ANO2: variants seen among roughly 807,000 people sequenced by gnomAD.
The protein encoded by ANO2 is anoctamin-2.
In ANO2, 101 loss-of-function variants were observed where a neutral mutation model predicts 124.2. The ratio of observed to expected loss-of-function variants is 0.81; its 90% confidence interval spans 0.69 to 0.96. The LOEUF (loss-of-function observed/expected upper bound fraction) is 0.96, where lower values mean the gene tolerates loss of function less well. Among genes scored for constraint, ANO2 ranks in the 40% least tolerant of loss-of-function variants. The probability of loss-of-function intolerance (pLI) is 0.00; values close to 1 mark genes in which losing one functional copy is unlikely to be tolerated. For synonymous variants in ANO2, 486 were observed against 482.5 expected (o/e 1.01, Z -0.09); for missense variants, 1,293 against 1,274.5 (o/e 1.01, Z -0.22).
rs78963401 is a variant in ANO2, at chr12:5,708,917, T to C, written c.1545+23603A>G. ...TTTGTGTCACTGAATAAAATGATGA[T>C]ATAAATAATTACTTCCTTGTTTAAT... On this transcript the variant is annotated intron_variant, in intron 14 of 24. Coordinates refer to ENST00000682330, the MANE Select transcript of ANO2 (RefSeq NM_001364791.2). 5.3e-5 allele frequency among the ~76,000 whole-genome samples: 8 copies of C among 152,350 alleles called. No homozygotes were observed. In the East Asian group the frequency reaches 1.5e-3, roughly 29 times the overall value.
intron 20 of ANO2, among the ~76,000 whole-genome samples, chr12:5,584,241 G>A (rs1942972958): frequency 6.6e-6 from 1 of 151,730 alleles, no homozygotes; most frequent in African/African-American, 2.4e-5. Context: ...AGGGCTGGCG[G>A]CTCTGCCTAC....
chr12:5,805,192 A>G (rs1388018113), intron 9 of ANO2, among the ~76,000 whole-genome samples: 3 of 152,176 alleles, frequency 2.0e-5, no homozygotes, highest in Non-Finnish European at 4.4e-5. Flanking sequence ...TTAACACTTC[A>G]TAACAGGGAC....
At chr12:5,786,670 A>G (rs376623570) in intron 10 of ANO2, among the ~76,000 whole-genome samples, 4 of 152,278 alleles carry the variant, frequency 2.6e-5, no homozygotes, top group East Asian at 1.9e-4. Flanking sequence ...ACATCCGATC[A>G]TATTCTCCGC....
In ANO2 at chr12:5,732,516, A is replaced by T; in HGVS notation, c.1545+4T>A. On this transcript the variant is annotated splice_donor_region_variant and intron_variant, in intron 14 of 24. Coordinates refer to ENST00000682330, the MANE Select transcript of ANO2 (RefSeq NM_001364791.2). ...GACCGTGAGCAGCAAGTCCAGCTTCATACCTCATCGCCACACTCCGTCGTG... is the reference window on the plus strand; with the variant it reads ...GACCGTGAGCAGCAAGTCCAGCTTCTTACCTCATCGCCACACTCCGTCGTG... 6.2e-7 allele frequency: 1 copy of T among 1,610,324 alleles called. No homozygotes were observed. Among genetic ancestry groups the T allele is most frequent in the South Asian group, 1.1e-5 (1 of 90,342 alleles).
intron 16 of ANO2, among the ~76,000 whole-genome samples, chr12:5,623,151 C>T (rs1268320848): frequency 6.6e-6 from 1 of 151,936 alleles, no homozygotes; most frequent in Non-Finnish European, 1.5e-5. Flanking sequence ...AATCTCAACC[C>T]CATGAAAAAA....
At chr12:5,913,566 A>C (rs1385503616) in intron 3 of ANO2, among the ~76,000 whole-genome samples, 5 of 152,212 alleles carry the variant, frequency 3.3e-5, no homozygotes, top group African/African-American at 9.6e-5. Flanking sequence ...AGAGAAAACT[A>C]CTATAAAGTG....
At chr12:5,823,047 C>A (rs182288158) in intron 7 of ANO2, among the ~76,000 whole-genome samples, 18 of 152,314 alleles carry the variant, frequency 1.2e-4, no homozygotes, top group Admixed American at 6.5e-4. Flanking sequence ...CTGTGTCCCT[C>A]CCACAACACA....
chr12:5,923,230 A>ACACACC, intron 1 of ANO2, among the ~76,000 whole-genome samples: 1 of 149,070 alleles, frequency 6.7e-6, no homozygotes, highest in African/African-American at 2.5e-5. Context: ...ACACACATGC[A>ACACACC]CACATACACA....
intron 14 of ANO2, among the ~76,000 whole-genome samples, chr12:5,692,537 T>G (rs1948987991): frequency 6.6e-6 from 1 of 152,188 alleles, no homozygotes; most frequent in African/African-American, 2.4e-5. Flanking sequence ...GGCCAAGGGC[T>G]TAAAGATCCT....
At chr12:5,646,906 G>A (rs1190675428) in intron 15 of ANO2, among the ~76,000 whole-genome samples, 3 of 147,276 alleles carry the variant, frequency 2.0e-5, no homozygotes, top group Non-Finnish European at 4.5e-5. Flanking sequence ...GTAACCTCAG[G>A]CCAGAGTCAG....
At chr12:5,852,848 CGTGTGT>C (rs71445682) in intron 4 of ANO2, among the ~76,000 whole-genome samples, 244 of 123,954 alleles carry the variant, frequency 2.0e-3, no homozygotes, top group African/African-American at 5.8e-3. Context: ...TGGAAAGGGA[CGTGTGT>C]GTGTGTGTGT....
Position 5,894,081 on chromosome 12 carries a change from T to C in ANO2, c.534+26959A>G, listed in dbSNP as rs561022101. On this transcript the variant is annotated intron_variant, in intron 3 of 24. Coordinates refer to ENST00000682330, the MANE Select transcript of ANO2 (RefSeq NM_001364791.2). ...AATCACACACTGTCTTCCATAATGATTGAAGTAATTTACACTCCCACCAAC... is the reference window on the plus strand; with the variant it reads ...AATCACACACTGTCTTCCATAATGACTGAAGTAATTTACACTCCCACCAAC... 3.9e-5 allele frequency among the ~76,000 whole-genome samples: 6 copies of C among 152,308 alleles called. No homozygotes were observed. The East Asian group carries it at 5.8e-4, about 15-fold the overall frequency.
In ANO2 at chr12:5,707,706, T is replaced by C. The variant is rs1418057999; in HGVS notation, c.1545+24814A>G. On this transcript the variant is annotated intron_variant, in intron 14 of 24. Transcript: ENST00000682330. Reference sequence around the variant, plus strand: ...GTTAAACATACCTTCCGAGTTTATCTTTGAAACATTTCCAACATTTGAAGC... The same window carrying C: ...GTTAAACATACCTTCCGAGTTTATCCTTGAAACATTTCCAACATTTGAAGC... 2.0e-5 allele frequency among the ~76,000 whole-genome samples: 3 copies of C among 152,226 alleles called. No homozygotes were observed. The East Asian group carries it at 5.8e-4, about 29-fold the overall frequency.
At chr12:5,579,382 G>A (rs1942608257) in intron 20 of ANO2, among the ~76,000 whole-genome samples, 1 of 152,208 alleles carries the variant, frequency 6.6e-6, no homozygotes, top group Non-Finnish European at 1.5e-5. Flanking sequence ...GGGTCTCCAT[G>A]TAGAGTCCCT....
intron 14 of ANO2, among the ~76,000 whole-genome samples, chr12:5,680,159 G>A (rs946792224): frequency 6.6e-6 from 1 of 152,196 alleles, no homozygotes; most frequent in Non-Finnish European, 1.5e-5. Context: ...GGGAGGAAGA[G>A]CATCAGGAAG....
At chr12:5,837,786 C>T (rs948298796) in intron 4 of ANO2, among the ~76,000 whole-genome samples, 1 of 151,602 alleles carries the variant, frequency 6.6e-6, no homozygotes, top group Admixed American at 6.6e-5. Flanking sequence ...GACACCCTAA[C>T]ATCACAATTA....
chr12:5,612,580 A>C, intron 19 of ANO2, 76 bp downstream of exon 19: 1 of 1,242,006 alleles, frequency 8.1e-7, no homozygotes, highest in Non-Finnish European at 1.2e-6. Context: ...AGGCCATAGA[A>C]AACCTGCTGA....
intron 3 of ANO2, among the ~76,000 whole-genome samples, chr12:5,867,530 G>C (rs915550019): frequency 2.6e-5 from 4 of 152,154 alleles, no homozygotes; most frequent in Non-Finnish European, 5.9e-5. Flanking sequence ...CTAGGGCTCA[G>C]GTAAGTGAAG....
chr12:5,839,005 C>T (rs1179349338), intron 4 of ANO2, among the ~76,000 whole-genome samples: 1 of 152,210 alleles, frequency 6.6e-6, no homozygotes, highest in Non-Finnish European at 1.5e-5. Flanking sequence ...GACCCATTTA[C>T]TCTCCTGCCT....
Sources: gnomAD v4.1 joint callset for allele counts (sites outside exome capture counted in the v4.1 genomes callset) on GRCh38, gnomAD v4.1.1 for gene constraint, MANE v1.5 for transcripts, NCBI Gene and HGNC (gene_info 2026-07-23, HGNC 2026-07-21) for gene names.